The following P4HA1 variants were observed in gnomAD, a reference collection of about 807,000 sequenced individuals.
The protein encoded by P4HA1 is prolyl 4-hydroxylase subunit alpha-1.
Under a neutral mutation model 72.8 loss-of-function variants are expected in P4HA1, and 24 were observed. The observed-to-expected ratio is 0.33, with a 90% CI of 0.24 to 0.46. The LOEUF is 0.46. Among genes scored for constraint, P4HA1 ranks in the 20% least tolerant of loss-of-function variants. P4HA1 has a pLI of 1.00. For missense variants in P4HA1, 446 were observed against 640.6 expected, an observed-to-expected ratio of 0.70 and a Z score of 3.28; for synonymous variants, 201 against 218.8, an observed-to-expected ratio of 0.92 and a Z score of 0.72.
chr10:73,024,442 A>T (rs1368809764), intron 10 of P4HA1, among the ~76,000 whole-genome samples: 1 of 152,246 alleles, frequency 6.6e-6, no homozygotes, highest in Admixed American at 6.5e-5. Context: ...CTTTGAAACC[A>T]ATGAGAACAA....
In P4HA1 at chr10:73,037,001, AT is replaced by A. The variant is rs145928886; in HGVS notation, c.1149-6632del. Among the ~76,000 whole-genome samples, 3 of 151,096 alleles carry A rather than the reference AT, an allele frequency of 2.0e-5. No individual in the cohort carries two copies. The East Asian group carries it at 5.9e-4, about 30-fold the overall frequency. On this transcript the variant is annotated intron_variant, in intron 9 of 14. Coordinates refer to ENST00000394890, the MANE Select transcript of P4HA1 (RefSeq NM_001017962.3). The stretch of plus-strand genomic sequence containing the variant: ...TACCCAGTGCTTTAACTGAGTTGGG[AT>A]TTTTTTTTAATGTTATAGCATTTAA...
At chr10:73,029,198 G>A (rs1015952323) in intron 10 of P4HA1, among the ~76,000 whole-genome samples, 12 of 151,924 alleles carry the variant, frequency 7.9e-5, no homozygotes, top group African/African-American at 2.9e-4. Context: ...GATCACTTGA[G>A]GTCAGGAGTT....
chr10:73,014,119 T>C, intron 12 of P4HA1, 105 bp downstream of exon 12: 1 of 767,872 alleles, frequency 1.3e-6, no homozygotes, highest in South Asian at 1.7e-5. Context: ...GTAAAAATGT[T>C]AAACTAGGAT....
In P4HA1 at chr10:73,045,060, C is replaced by T; in HGVS notation, c.1078-9G>A. 1 of 1,611,782 alleles carries T rather than the reference C, an allele frequency of 6.2e-7. No individual in the cohort carries two copies. Among genetic ancestry groups the T allele is most frequent in the Non-Finnish European group, 8.5e-7 (1 of 1,178,322 alleles). ...ATGGTGGCTCGCCTCAGCTGTGAAG[C>T]CAACCATCAAAATAGTTGCATTACA... On this transcript the variant is annotated splice_polypyrimidine_tract_variant and intron_variant, in intron 8 of 14. Coordinates refer to ENST00000394890, the MANE Select transcript of P4HA1 (RefSeq NM_001017962.3).
chr10:73,067,990 TAAG>T (rs2133124361), intron 5 of P4HA1, among the ~76,000 whole-genome samples: 1 of 152,276 alleles, frequency 6.6e-6, no homozygotes, highest in African/African-American at 2.4e-5. Flanking sequence ...ATTTTAAAAA[TAAG>T]GTTATAATCT....
At chr10:73,034,858 G>A (rs1840532845) in intron 9 of P4HA1, among the ~76,000 whole-genome samples, 1 of 151,998 alleles carries the variant, frequency 6.6e-6, no homozygotes, top group Admixed American at 6.6e-5. Flanking sequence ...TGAGATTACA[G>A]GTGTGAGCCA....
At chr10:73,077,359 T>TA (rs1841721913) in intron 1 of P4HA1, among the ~76,000 whole-genome samples, 1 of 152,236 alleles carries the variant, frequency 6.6e-6, no homozygotes, top group Non-Finnish European at 1.5e-5. Context: ...TTGCCATTGC[T>TA]AAAATATATT....
At chr10:73,069,812 T>G (rs1449476053) in intron 4 of P4HA1, among the ~76,000 whole-genome samples, 1 of 143,342 alleles carries the variant, frequency 7.0e-6, no homozygotes, top group Admixed American at 7.0e-5. Flanking sequence ...AACTGTTTTG[T>G]TTTTTTTTTT....
At chr10:73,073,595 T>C (rs1564634958) in intron 3 of P4HA1, 136 bp downstream of exon 3, 1 of 619,642 alleles carries the variant, frequency 1.6e-6, no homozygotes, top group Non-Finnish European at 2.9e-6. Context: ...TTGTTCTCTA[T>C]ACTCCTATTT....
At position 73,007,863 on chromosome 10, in the gene P4HA1, C is replaced by G. The variant is rs1839827581; in HGVS notation, c.*359G>C. ...AGGCATTTGTTTCCTATCACACAGC[C>G]CATTCTAGCTTAACACCCACCAACT... On this transcript the variant is annotated 3_prime_UTR_variant, in exon 15 of 15. Transcript: ENST00000394890. 2 of 178,338 alleles carry G rather than the reference C, an allele frequency of 1.1e-5. No homozygotes were observed. Among genetic ancestry groups the G allele is most frequent in the Admixed American group, 5.5e-5 (1 of 18,088 alleles). 11.0% of individuals were successfully genotyped at this position (178,338 alleles called of 1,614,324 possible).
rs751480625 is a variant in P4HA1 at position 73,009,910 on chromosome 10, A to C, written c.1438-7T>G. 9 of 1,483,618 alleles carry C rather than the reference A, an allele frequency of 6.1e-6. No individual in the cohort carries two copies. In the Admixed American group the frequency reaches 6.7e-5, roughly 11 times the overall value. 91.9% of individuals were successfully genotyped at this position (1,483,618 alleles called of 1,614,324 possible). A position where few individuals can be genotyped will look rare whatever the true frequency, so the allele number is the denominator to read the frequency against. ...ACCAGAAAACAGCAGTTCCCTATGGAGAACAATTCACAATTATCCCCAAGT... is the reference window on the plus strand; with the variant it reads ...ACCAGAAAACAGCAGTTCCCTATGGCGAACAATTCACAATTATCCCCAAGT... On this transcript the variant is annotated splice_region_variant and splice_polypyrimidine_tract_variant and intron_variant, in intron 13 of 14. Coordinates refer to ENST00000394890, the MANE Select transcript of P4HA1 (RefSeq NM_001017962.3).
chr10:73,030,100 C>T lies in P4HA1; in HGVS notation c.1248+171G>A, dbSNP rs2133062050. Among the ~76,000 whole-genome samples, 4 of 152,282 alleles carry T rather than the reference C, an allele frequency of 2.6e-5. No homozygotes were observed. The South Asian group carries it at 8.3e-4, about 32-fold the overall frequency. On this transcript the variant is annotated intron_variant, in intron 10 of 14. Transcript: ENST00000394890. ...AGAAATTTAAAAGTCACAGAACAAT[C>T]ACAATTTTTCCCATTATTAAAATCA...
intron 4 of P4HA1, among the ~76,000 whole-genome samples, chr10:73,071,782 A>G (rs571975586): frequency 6.6e-6 from 1 of 152,242 alleles, no homozygotes; most frequent in Non-Finnish European, 1.5e-5. Flanking sequence ...ATGAAGCTAT[A>G]TGCCAAATAA....
intron 5 of P4HA1, among the ~76,000 whole-genome samples, chr10:73,061,923 G>A (rs1841323080): frequency 1.3e-5 from 2 of 152,226 alleles, no homozygotes; most frequent in South Asian, 2.1e-4. Flanking sequence ...GGAGGCTAAG[G>A]CAGCAGGATG....
At chr10:73,093,736 G>A (rs578080735) in intron 1 of P4HA1, among the ~76,000 whole-genome samples, 9 of 147,444 alleles carry the variant, frequency 6.1e-5, no homozygotes, top group South Asian at 2.2e-4. Flanking sequence ...CCAGCTACTC[G>A]GGAGGCTTAG....
Position 73,052,445 on chromosome 10 carries a change from T to C in P4HA1, c.703+906A>G, listed in dbSNP as rs1841043397. Among the ~76,000 whole-genome samples the C allele has an allele frequency of 2.0e-5, 3 of 152,132 alleles. No individual in the cohort carries two copies. The South Asian group carries it at 6.2e-4, about 32-fold the overall frequency. On this transcript the variant is annotated intron_variant, in intron 6 of 14. Coordinates refer to ENST00000394890, the MANE Select transcript of P4HA1 (RefSeq NM_001017962.3). The stretch of plus-strand genomic sequence containing the variant: ...AAAGGAAACAAATGTGTAGGTGTCT[T>C]TGAGTGACTGGCTTATAGATGACTC...
intron 6 of P4HA1, among the ~76,000 whole-genome samples, chr10:73,052,651 A>T (rs1841047045): frequency 6.6e-6 from 1 of 152,210 alleles, no homozygotes; most frequent in Non-Finnish European, 1.5e-5. Flanking sequence ...TCAGCAGATC[A>T]ATCCTTTTGA....
chr10:73,055,227 CAG>C (rs1262356124), intron 5 of P4HA1, among the ~76,000 whole-genome samples: 1 of 152,148 alleles, frequency 6.6e-6, no homozygotes, highest in East Asian at 1.9e-4. Context: ...TTTATTGAGA[CAG>C]AGTCTCACTC....
intron 4 of P4HA1, among the ~76,000 whole-genome samples, chr10:73,070,375 T>G (rs1441730497): frequency 6.6e-6 from 1 of 151,854 alleles, no homozygotes; most frequent in Admixed American, 6.6e-5. Flanking sequence ...TAAGCTCCTC[T>G]CGAACTCCTG....
Sources: gnomAD v4.1 joint callset for allele counts (sites outside exome capture counted in the v4.1 genomes callset) on GRCh38, gnomAD v4.1.1 for gene constraint, MANE v1.5 for transcripts, NCBI Gene and HGNC (gene_info 2026-07-23, HGNC 2026-07-21) for gene names.